Variants in ADGRG1 observed in about 807,000 individuals in gnomAD.
The protein encoded by ADGRG1 is adhesion G protein-coupled receptor G1, also known as 7-transmembrane protein with no EGF-like N-terminal domains-1.
A neutral mutation model predicts 73.5 loss-of-function variants in ADGRG1; 53 were observed. The ratio of observed to expected loss-of-function variants is 0.72; its 90% CI spans 0.58 to 0.91. The LOEUF is 0.91. ADGRG1 is among the 40% of genes least tolerant of loss of function. The pLI, the probability that ADGRG1 is intolerant of heterozygous loss-of-function variation, is 0.00. For synonymous variants in ADGRG1, 394 were observed against 374.4 expected (o/e 1.05, Z -0.60); for missense variants, 795 against 871.8 (o/e 0.91, Z 1.11).
chr16:57,654,114 A>G lies in ADGRG1; in HGVS notation c.749A>G (p.His250Arg). The G allele has an allele frequency of 6.2e-7, 1 of 1,613,260 alleles. No homozygotes were observed. Among genetic ancestry groups the G allele is most frequent in the African/African-American group, 1.3e-5 (1 of 75,070 alleles). The change falls in exon 5 of 14, where the codon CAC becomes CGC. Residue 250 changes from histidine (H) to arginine (R), a missense_variant. Coordinates refer to ENST00000562631, the MANE Select transcript of ADGRG1 (RefSeq NM_201525.4). ...LQPTAGLQDL[H>R]IHSRQEEEQS... ...CCCACAGCCGGCCTCCAGGACCTGC[A>G]CATCCACTCCCGGCAGGAGGTCAGG...
At chr16:57,647,361 C>A (rs555726927) in intron 1 of ADGRG1, 2 of 981,246 alleles carry the variant, frequency 2.0e-6, no homozygotes, top group African/African-American at 1.8e-5. Flanking sequence ...GGGGGCCGTA[C>A]GGGAAGAGGG....
intron 9 of ADGRG1, 73 bp from the exon 10 acceptor site, chr16:57,657,300 C>G (rs1018123974): frequency 1.2e-6 from 2 of 1,608,072 alleles, no homozygotes; most frequent in Non-Finnish European, 1.7e-6. Flanking sequence ...CCAGGTTAGC[C>G]CCTCACGCAG....
intron 1 of ADGRG1, chr16:57,629,287 G>C (rs1390672764): frequency 2.2e-6 from 1 of 457,086 alleles, no homozygotes; most frequent in Non-Finnish European, 2.9e-6. Flanking sequence ...CCCAAGGGGA[G>C]CGACACCTCC....
upstream of ADGRG1, chr16:57,625,765 G>A: frequency 3.8e-6 from 2 of 529,384 alleles, no homozygotes; most frequent in Non-Finnish European, 4.8e-6. Flanking sequence ...CAGTACCTTT[G>A]ATTTAAGCCC....
chr16:57,644,769 C>T (rs1407278215), intron 1 of ADGRG1, among the ~76,000 whole-genome samples: 1 of 146,216 alleles, frequency 6.8e-6, no homozygotes, highest in Non-Finnish European at 1.5e-5. Flanking sequence ...CACCCATGCA[C>T]ACACACATAT....
At chr16:57,656,795 G>A (rs1426557771) in intron 9 of ADGRG1, among the ~76,000 whole-genome samples, 178 bp downstream of exon 9, 2 of 152,214 alleles carry the variant, frequency 1.3e-5, no homozygotes, top group South Asian at 2.1e-4. Context: ...CAATTTACCC[G>A]TGGCCACACA....
chr16:57,661,175 C>A, intron 12 of ADGRG1: 2 of 539,612 alleles, frequency 3.7e-6, no homozygotes, highest in South Asian at 8.0e-5. Context: ...CATTCCTCAG[C>A]AGCACCTCTC....
At chr16:57,646,546 T>A (rs1192741783) in intron 1 of ADGRG1, 11 of 985,326 alleles carry the variant, frequency 1.1e-5, no homozygotes, top group Non-Finnish European at 1.3e-5. Flanking sequence ...TGTGGGGGCT[T>A]CCTTGGGCCT....
At chr16:57,660,573 C>T in intron 11 of ADGRG1, 195 bp from the exon 12 acceptor site, 1 of 849,668 alleles carries the variant, frequency 1.2e-6, no homozygotes, top group Non-Finnish European at 1.4e-6. Flanking sequence ...ATGGCATCCC[C>T]TTATAGGAAA....
chr16:57,644,900 ACT>A (rs1177054652), intron 1 of ADGRG1, among the ~76,000 whole-genome samples: 14 of 138,856 alleles, frequency 1.0e-4, no homozygotes, highest in African/African-American at 3.0e-4. Flanking sequence ...GGGCACACAC[ACT>A]CATCACTTCA....
At chr16:57,656,415 G>T in intron 8 of ADGRG1, 99 bp from the exon 9 acceptor site, 2 of 1,608,426 alleles carry the variant, frequency 1.2e-6, no homozygotes, top group Non-Finnish European at 8.5e-7. Context: ...CTATGAGTAG[G>T]CCGGGTGGAA....
chr16:57,625,796 C>A (rs1357131641), upstream of ADGRG1: 4 of 315,360 alleles, frequency 1.3e-5, no homozygotes, highest in Non-Finnish European at 1.8e-5. Context: ...CTTTCAAAAT[C>A]TTCCAGAATC....
At chr16:57,645,003 C>T (rs1057506365) in intron 1 of ADGRG1, 1 of 880,184 alleles carries the variant, frequency 1.1e-6, no homozygotes, top group Middle Eastern at 5.7e-4. Flanking sequence ...CACATGCACA[C>T]TCATGCATGG....
intron 1 of ADGRG1, chr16:57,637,516 G>A (rs2039665367): frequency 1.0e-6 from 1 of 985,310 alleles, no homozygotes; most frequent in South Asian, 4.7e-5. Flanking sequence ...TTTAAGCACA[G>A]GATCCTTTGA....
chr16:57,629,052 GTGAGTA>G (rs1250524255), intron 1 of ADGRG1: 26 of 524,358 alleles, frequency 5.0e-5, no homozygotes, highest in African/African-American at 2.2e-4. Flanking sequence ...GTGAGTGTGT[GTGAGTA>G]TGAGTGTGAG....
At position 57,628,646 on chromosome 16, in the gene ADGRG1, C is replaced by T; in HGVS notation, c.-192C>T. 6 of 985,554 alleles carry T rather than the reference C, an allele frequency of 6.1e-6. No homozygotes were observed. Among genetic ancestry groups the T allele is most frequent in the Non-Finnish European group, 7.2e-6 (6 of 829,996 alleles). 61.1% of individuals were successfully genotyped at this position (985,554 alleles called of 1,614,324 possible). A position where few individuals can be genotyped will look rare whatever the true frequency, so the allele number is the denominator to read the frequency against. ...TCCCTCTCCGCACTAGCTGTCTGCC[C>T]TGCCCTGCCGTAGGAGATGGGCTGG... On this transcript the variant is annotated 5_prime_UTR_variant, in exon 1 of 14. Transcript: ENST00000562631.
At chr16:57,655,613 C>G in intron 6 of ADGRG1, 83 bp downstream of exon 6, 1 of 1,603,236 alleles carries the variant, frequency 6.2e-7, no homozygotes, top group South Asian at 1.1e-5. Flanking sequence ...CAGATGAGCT[C>G]CTTCCTCTGG....
intron 10 of ADGRG1, 49 bp downstream of exon 10, chr16:57,657,540 C>T (rs751085789): frequency 7.4e-7 from 1 of 1,345,402 alleles, no homozygotes; most frequent in South Asian, 1.2e-5. Flanking sequence ...CCATTGCACA[C>T]ACCTCCACCA....
At chr16:57,637,198 T>A (rs1361322645) in intron 1 of ADGRG1, 1 of 451,838 alleles carries the variant, frequency 2.2e-6, no homozygotes, top group East Asian at 1.5e-4. Flanking sequence ...TCCCTGAGCC[T>A]CAGTTCTCTG....
Sources: allele counts gnomAD v4.1 joint callset (sites outside exome capture counted in the v4.1 genomes callset), GRCh38; gene constraint gnomAD v4.1.1; transcripts MANE v1.5; gene names NCBI Gene and HGNC (gene_info 2026-07-23, HGNC 2026-07-21).